Variants in RPS3A observed in about 807,000 individuals in gnomAD.
The protein encoded by RPS3A is small ribosomal subunit protein eS1.
RPS3A carries 1 observed loss-of-function variant against 26.4 expected under a neutral mutation model. The observed-to-expected ratio is 0.04, with a 90% CI of 0.01 to 0.18. RPS3A has a LOEUF of 0.18. RPS3A is among the 10% of genes least tolerant of loss of function. The probability of loss-of-function intolerance (pLI) is 1.00; values close to 1 mark genes in which losing one functional copy is unlikely to be tolerated. For synonymous variants in RPS3A, 97 were observed against 106.1 expected (o/e 0.91, Z 0.53); for missense variants, 139 against 326.8 (o/e 0.43, Z 4.43).
intron 2 of RPS3A, 66 bp downstream of exon 2, chr4:151,100,654 T>G: frequency 1.0e-6 from 1 of 970,348 alleles, no homozygotes; most frequent in Non-Finnish European, 1.7e-6. Flanking sequence ...GCAGGCATCT[T>G]GGTCTGTTGT....
At chr4:151,104,138 A>T in intron 4 of RPS3A, 39 bp from the exon 5 acceptor site, 1 of 1,585,920 alleles carries the variant, frequency 6.3e-7, no homozygotes, top group East Asian at 2.2e-5. Context: ...TCTGAGAACT[A>T]GGACTTTTAG....
At chr4:151,103,732 T>C in intron 4 of RPS3A, 2 of 1,132,614 alleles carry the variant, frequency 1.8e-6, no homozygotes. Context: ...GGAGACCCTG[T>C]CCCAAAAAAT....
chr4:151,104,640 G>T lies in RPS3A; in HGVS notation c.*47G>T. The T allele has an allele frequency of 6.4e-7, 1 of 1,554,806 alleles. No homozygotes were observed. The highest frequency in any genetic ancestry group is 8.6e-7 in the Non-Finnish European group (1 of 1,166,342). On this transcript the variant is annotated 3_prime_UTR_variant, in exon 6 of 6. Coordinates refer to ENST00000274065, the MANE Select transcript of RPS3A (RefSeq NM_001006.5). ...CAAATAAAAAGTGCTATTTGTGATG[G>T]TTTGCTTCTGAACATTCTTTTTTTA...
intron 5 of RPS3A, 89 bp downstream of exon 5, chr4:151,104,375 T>C (rs1747270210): frequency 3.3e-6 from 5 of 1,518,524 alleles, no homozygotes; most frequent in South Asian, 1.3e-5. Context: ...GGCCTTCTTT[T>C]TCTTCCTGTC....
chr4:151,100,071 A>G (rs1380943162), intron 1 of RPS3A: 2 of 547,428 alleles, frequency 3.7e-6, no homozygotes, highest in East Asian at 4.4e-5. Context: ...AGGACCCGTC[A>G]ATCTCGCCTT....
At chr4:151,099,812 A>T in intron 1 of RPS3A, 98 bp downstream of exon 1, 2 of 1,322,512 alleles carry the variant, frequency 1.5e-6, no homozygotes, top group Admixed American at 2.0e-5. Flanking sequence ...CGAGGATTCC[A>T]GTCGGATTGT....
chr4:151,099,942 C>G, intron 1 of RPS3A: 2 of 570,266 alleles, frequency 3.5e-6, no homozygotes, highest in Non-Finnish European at 6.6e-6. Context: ...TTTGAGCCGG[C>G]TTGCCGGCGC....
At chr4:151,099,949 G>T (rs1337947887) in intron 1 of RPS3A, 1 of 553,632 alleles carries the variant, frequency 1.8e-6, no homozygotes, top group Admixed American at 2.2e-5. Context: ...CGGCTTGCCG[G>T]CGCGACTCGG....
chr4:151,101,259 T>G, intron 3 of RPS3A, 97 bp downstream of exon 3: 1 of 691,508 alleles, frequency 1.4e-6, no homozygotes, highest in African/African-American at 1.8e-5. Flanking sequence ...TTTTATTTAT[T>G]TATTGAGACC....
In RPS3A at chr4:151,103,592, T is replaced by C. The variant is rs954885696; in HGVS notation, c.563+513T>C. The C allele has an allele frequency of 1.9e-5, 20 of 1,049,732 alleles. No individual in the cohort carries two copies. In the East Asian group the frequency reaches 1.6e-3, roughly 85 times the overall value. The allele number at this position is 1,049,732 out of a possible 1,614,324, so 65.0% of individuals were successfully genotyped here. On this transcript the variant is annotated intron_variant, in intron 4 of 5. Transcript: ENST00000274065. ...TGGAGTTGAAGGACAGGAAATGTTTTTCCCCTACTTGGAAAATACACTGAA... is the reference window on the plus strand; with the variant it reads ...TGGAGTTGAAGGACAGGAAATGTTTCTCCCCTACTTGGAAAATACACTGAA...
At position 151,101,236 on chromosome 4, in the gene RPS3A, A is replaced by G. The variant is rs1747102085; in HGVS notation, c.354+74A>G. ...AGGATAGCATGGTTTGATGACTGGA[A>G]GGAGCAAGTTCATTTTATTTATTTA... On this transcript the variant is annotated intron_variant, in intron 3 of 5. Coordinates refer to ENST00000274065, the MANE Select transcript of RPS3A (RefSeq NM_001006.5). 8.6e-6 allele frequency: 7 copies of G among 811,236 alleles called. No individual in the cohort carries two copies. In the East Asian group the frequency reaches 1.9e-4, roughly 22 times the overall value. 50.3% of individuals were successfully genotyped at this position (811,236 alleles called of 1,614,324 possible).
rs1440603738 is a variant in RPS3A, at chr4:151,099,732, T to C, written c.62+18T>C. The C allele has an allele frequency of 6.2e-7, 1 of 1,607,834 alleles. No individual in the cohort carries two copies. Among genetic ancestry groups the C allele is most frequent in the African/African-American group, 1.3e-5 (1 of 74,764 alleles). ...AAGAAAGTGTAAGTCGCGACTGTCGTGGCGTCTTGCTTTTTGGGGGTCTGC... is the reference window on the plus strand; with the variant it reads ...AAGAAAGTGTAAGTCGCGACTGTCGCGGCGTCTTGCTTTTTGGGGGTCTGC... On this transcript the variant is annotated intron_variant, in intron 1 of 5. Transcript: ENST00000274065.
chr4:151,102,173 C>A (rs1456076530), intron 3 of RPS3A: 5 of 432,344 alleles, frequency 1.2e-5, no homozygotes, highest in Non-Finnish European at 2.3e-5. Context: ...ATTTTAAGGT[C>A]CCTTAGCTGT....
intron 3 of RPS3A, chr4:151,102,625 A>C: frequency 4.1e-6 from 2 of 484,414 alleles, no homozygotes; most frequent in South Asian, 2.2e-5. Context: ...TGGTAGTGTT[A>C]ATGGAGGGTA....
chr4:151,102,425 C>T (rs1422800205), intron 3 of RPS3A, among the ~76,000 whole-genome samples: 3 of 151,970 alleles, frequency 2.0e-5, no homozygotes, highest in African/African-American at 4.8e-5. Context: ...AGAGTTATAG[C>T]AGTCACCTAT....
intron 4 of RPS3A, chr4:151,103,920 G>A (rs368233827): frequency 1.3e-6 from 2 of 1,498,000 alleles, no homozygotes; most frequent in Non-Finnish European, 1.8e-6. Flanking sequence ...AGCTAAGAGG[G>A]TGTAATGGAA....
rs749852161 is a variant in RPS3A, at chr4:151,103,028, T to A, written c.512T>A (p.Ile171Asn). The A allele has an allele frequency of 6.2e-7, 1 of 1,600,722 alleles. No homozygotes were observed. Among genetic ancestry groups the A allele is most frequent in the Non-Finnish European group, 8.5e-7 (1 of 1,179,766 alleles). The change falls in exon 4 of 6, where the codon ATC (isoleucine) becomes AAC (asparagine). Residue 171 changes from isoleucine (I) to asparagine (N), a missense_variant. Physicochemically the swap from Ile to Asn is moderately radical, Grantham distance 149. Coordinates refer to ENST00000274065, the MANE Select transcript of RPS3A (RefSeq NM_001006.5). ...CAAATCCGGAAGAAGATGATGGAAA[T>A]CATGACCCGAGAGGTGCAGACAAAT... ...VRQIRKKMME[I>N]MTREVQTNDL...
chr4:151,100,564 C>T lies in RPS3A; in HGVS notation c.142C>T (p.Leu48Phe). 8.1e-6 allele frequency: 13 copies of T among 1,598,018 alleles called. No individual in the cohort carries two copies. Among genetic ancestry groups the T allele is most frequent in the Non-Finnish European group, 1.1e-5 (13 of 1,165,392 alleles). The change falls in exon 2 of 6, where the codon CTC becomes TTC. Residue 48 changes from leucine to phenylalanine, a missense_variant. Coordinates refer to ENST00000274065, the MANE Select transcript of RPS3A (RefSeq NM_001006.5). ...MFNIRNIGKT[L>F]VTRTQGTKIA... ...CAATATAAGAAATATTGGAAAGACGCTCGTCACCAGGACCCAAGGAACCAG... is the reference window on the plus strand; with the variant it reads ...CAATATAAGAAATATTGGAAAGACGTTCGTCACCAGGACCCAAGGAACCAG...
chr4:151,103,611 C>T (rs146961097), intron 4 of RPS3A: 16 of 1,050,198 alleles, frequency 1.5e-5, no homozygotes, highest in Non-Finnish European at 1.8e-5. Flanking sequence ...TTGGAAAATA[C>T]ACTGAATAAG....
Sources: allele counts gnomAD v4.1 joint callset (sites outside exome capture counted in the v4.1 genomes callset), GRCh38; gene constraint gnomAD v4.1.1; transcripts MANE v1.5; gene names NCBI Gene and HGNC (gene_info 2026-07-23, HGNC 2026-07-21).